Variants in FRMD4B observed in about 807,000 individuals in gnomAD.
The protein encoded by FRMD4B is FERM domain containing 4B.
Under a neutral mutation model 141.5 loss-of-function variants are expected in FRMD4B, and 74 were observed. The ratio of observed to expected loss-of-function variants is 0.52; its 90% CI spans 0.43 to 0.63. The LOEUF (loss-of-function observed/expected upper bound fraction) is 0.63. Among genes scored for constraint, FRMD4B ranks in the 30% least tolerant of loss-of-function variants. FRMD4B has a pLI of 0.00. For missense variants in FRMD4B, 1,366 were observed against 1,253.4 expected, an observed-to-expected ratio of 1.09 and a Z score of -1.36; for synonymous variants, 506 against 467.9, an observed-to-expected ratio of 1.08 and a Z score of -1.05.
intron 19 of FRMD4B, among the ~76,000 whole-genome samples, chr3:69,187,552 A>AT (rs916997140): frequency 6.7e-4 from 96 of 143,594 alleles, no homozygotes; most frequent in Middle Eastern, 3.7e-3. Context: ...AAAAAAAAAA[A>AT]ATATATATAT....
rs114343907 is a variant in FRMD4B, at chr3:69,354,878, T to C, written c.162+30950A>G. Among the ~76,000 whole-genome samples the C allele has an allele frequency of 4.5e-3, 687 of 152,302 alleles. 6 individuals are homozygous for C. The highest frequency in any genetic ancestry group is 0.016 in the African/African-American group (645 of 41,564). On this transcript the variant is annotated intron_variant, in intron 1 of 22. Transcript: ENST00000398540. ...TGCAAATAGAAGTCACTTGATGATA[T>C]CAGTAGAAAAGGTGGCAAAAAGTTT...
intron 7 of FRMD4B, among the ~76,000 whole-genome samples, chr3:69,247,874 C>A (rs2093435162): frequency 6.6e-6 from 1 of 152,244 alleles, no homozygotes; most frequent in Non-Finnish European, 1.5e-5. Context: ...TGGTCTCGAT[C>A]TCCTGACCTT....
intron 1 of FRMD4B, among the ~76,000 whole-genome samples, chr3:69,447,728 C>T (rs1039763836): frequency 6.6e-6 from 1 of 152,156 alleles, no homozygotes. Context: ...CCTTAGGAAA[C>T]CACTGATCTG....
Position 69,216,286 on chromosome 3 carries a change from G to T in FRMD4B, c.853C>A (p.Gln285Lys). ...ACCTTCCGAGGCTTCACCTTGTCTT[G>T]TATATCATATTGGCCAATTCCCTTA... ...SYKGIGQYDI[Q>K]DKVKPRKLFQ... Residue 285 changes from glutamine (Q) to lysine (K), a missense_variant, in exon 11 of 23, where the codon CAA becomes AAA. Coordinates refer to ENST00000398540, the MANE Select transcript of FRMD4B (RefSeq NM_015123.3). 6.4e-7 allele frequency: 1 copy of T among 1,564,572 alleles called. No homozygotes were observed. Among genetic ancestry groups the T allele is most frequent in the Non-Finnish European group, 8.7e-7 (1 of 1,144,442 alleles).
At chr3:69,538,386 C>A (rs1396928822) in intron 1 of FRMD4B, among the ~76,000 whole-genome samples, 1 of 152,114 alleles carries the variant, frequency 6.6e-6, no homozygotes, top group African/African-American at 2.4e-5. Flanking sequence ...AGCAAAATAG[C>A]ACTAACAGAC....
chr3:69,239,129 T>G lies in FRMD4B; in HGVS notation c.581+10097A>C, dbSNP rs547201182. Among the ~76,000 whole-genome samples, 71 of 152,300 alleles carry G rather than the reference T, an allele frequency of 4.7e-4. No individual in the cohort carries two copies. In the South Asian group the frequency reaches 0.014, roughly 31 times the overall value. On this transcript the variant is annotated intron_variant, in intron 7 of 22. Transcript: ENST00000398540. ...TTCCGAGTTGTGAGCAGTTTGGGGC[T>G]TGGTTTGACAGAGTCTATTGGCAAC...
intron 4 of FRMD4B, among the ~76,000 whole-genome samples, chr3:69,291,916 T>A (rs1164148139): frequency 7.0e-6 from 1 of 143,788 alleles, no homozygotes; most frequent in African/African-American, 2.8e-5. Flanking sequence ...ATCTCTTTTT[T>A]TTTTTTTTTT....
At chr3:69,245,223 C>T (rs556456978) in intron 7 of FRMD4B, among the ~76,000 whole-genome samples, 3 of 152,150 alleles carry the variant, frequency 2.0e-5, no homozygotes, top group East Asian at 1.9e-4. Flanking sequence ...AATAAGTAGC[C>T]AAGCTGGCAT....
chr3:69,308,498 T>C (rs1701468506), intron 3 of FRMD4B, among the ~76,000 whole-genome samples: 1 of 149,560 alleles, frequency 6.7e-6, no homozygotes, highest in South Asian at 2.2e-4. Context: ...AGTGCAGTGG[T>C]GAGATCATGG....
rs551192334 is a variant in FRMD4B at position 69,471,262 on chromosome 3, G to A, written c.-128-38501C>T. Among the ~76,000 whole-genome samples, 3 of 152,218 alleles carry A rather than the reference G, an allele frequency of 2.0e-5. No homozygotes were observed. The South Asian group carries it at 6.2e-4, about 32-fold the overall frequency. On this transcript the variant is annotated intron_variant, in intron 1 of 5. Transcript: ENST00000459638. ...ATTCCTTGTCAACTGGATAACTTCA[G>A]AAAAGTGTTTTAACTTCTTCAAATG... is the stretch of plus-strand genomic sequence containing the variant.
At chr3:69,385,725 T>A in intron 1 of FRMD4B, 103 bp downstream of exon 1, 1 of 1,024,754 alleles carries the variant, frequency 9.8e-7, no homozygotes, top group Non-Finnish European at 1.3e-6. Flanking sequence ...CTGCTAGGAG[T>A]TTAAGAAGAG....
intron 1 of FRMD4B, among the ~76,000 whole-genome samples, chr3:69,514,536 A>C (rs1009157553): frequency 6.6e-6 from 1 of 151,990 alleles, no homozygotes; most frequent in Admixed American, 6.6e-5. Flanking sequence ...AAAAATATAA[A>C]ACTTAGCCAG....
chr3:69,268,828 C>T (rs909210399), intron 5 of FRMD4B, among the ~76,000 whole-genome samples: 1 of 151,726 alleles, frequency 6.6e-6, no homozygotes, highest in Non-Finnish European at 1.5e-5. Context: ...TCATTTATTA[C>T]TATTTTTGCT....
chr3:69,284,293 G>A (rs1447558731), intron 5 of FRMD4B, among the ~76,000 whole-genome samples: 1 of 152,186 alleles, frequency 6.6e-6, no homozygotes, highest in African/African-American at 2.4e-5. Flanking sequence ...ATTCGGTAGA[G>A]CACTCATCAT....
chr3:69,409,107 A>C (rs989269471), intron 2 of FRMD4B, among the ~76,000 whole-genome samples: 2 of 152,228 alleles, frequency 1.3e-5, no homozygotes, highest in Non-Finnish European at 2.9e-5. Context: ...TTTTCAGGAA[A>C]GGGAGCCTGT....
intron 1 of FRMD4B, among the ~76,000 whole-genome samples, chr3:69,480,323 C>G (rs1439336483): frequency 6.6e-6 from 1 of 152,106 alleles, no homozygotes; most frequent in African/African-American, 2.4e-5. Flanking sequence ...CTGTTTTTTC[C>G]CCATCTTTGT....
Position 69,176,544 on chromosome 3 carries a change from A to T in FRMD4B, c.2964T>A (p.Asn988Lys). Residue 988 changes from asparagine to lysine, a missense_variant, in exon 22 of 23, where the codon AAT becomes AAA. By Grantham distance (94) the Asn-to-Lys change is moderately conservative (BLOSUM62 0). Coordinates refer to ENST00000398540, the MANE Select transcript of FRMD4B (RefSeq NM_015123.3). The stretch of plus-strand genomic sequence containing the variant: ...CTCACCTGCTTGGAGAGGGTAAAGG[A>T]TTATAGACATTGCCATAGCAGCTGG... ...SYTSCYGNVY[N>K]PLPSPSRQYT... 5.6e-6 allele frequency: 9 copies of T among 1,612,662 alleles called. No individual in the cohort carries two copies. The highest frequency in any genetic ancestry group is 7.6e-6 in the Non-Finnish European group (9 of 1,178,710).
intron 4 of FRMD4B, among the ~76,000 whole-genome samples, chr3:69,294,159 G>A (rs987851621): frequency 6.6e-6 from 1 of 152,124 alleles, no homozygotes; most frequent in African/African-American, 2.4e-5. Flanking sequence ...GTTTGTGACT[G>A]GCGTCCAGTG....
intron 1 of FRMD4B, among the ~76,000 whole-genome samples, chr3:69,458,450 C>T (rs918394039): frequency 1.3e-5 from 2 of 152,152 alleles, no homozygotes; most frequent in African/African-American, 4.8e-5. Flanking sequence ...GAGAAGACAA[C>T]ATTTAAACTG....
Sources: allele counts gnomAD v4.1 joint callset (sites outside exome capture counted in the v4.1 genomes callset), GRCh38; gene constraint gnomAD v4.1.1; transcripts MANE v1.5; gene names NCBI Gene and HGNC (gene_info 2026-07-23, HGNC 2026-07-21).